The following ABCA6 variants were observed in gnomAD, a reference collection of about 807,000 sequenced individuals.
ABCA6 encodes the protein ATP-binding cassette sub-family A member 6.
In ABCA6, 164 loss-of-function variants were observed where a neutral mutation model predicts 191.2. The ratio of observed to expected loss-of-function variants is 0.86; its 90% CI spans 0.76 to 0.98. The LOEUF is 0.98. Ranked by LOEUF, ABCA6 falls within the 50% of genes least tolerant of loss-of-function variation. The probability of loss-of-function intolerance (pLI) is 0.00; values close to 1 mark genes in which losing one functional copy is unlikely to be tolerated. For synonymous variants in ABCA6, 636 were observed against 647.7 expected (o/e 0.98, Z 0.27); for missense variants, 1,958 against 1,894.1 (o/e 1.03, Z -0.63).
chr17:69,107,275 C>T (rs1260373834), intron 18 of ABCA6, among the ~76,000 whole-genome samples: 1 of 152,080 alleles, frequency 6.6e-6, no homozygotes, highest in Non-Finnish European at 1.5e-5. Context: ...TCCATAATGA[C>T]AATGATTATT....
At chr17:69,086,326 C>T (rs2072788456) in intron 30 of ABCA6, among the ~76,000 whole-genome samples, 2 of 152,020 alleles carry the variant, frequency 1.3e-5, no homozygotes, top group South Asian at 4.1e-4. Context: ...TAGCTTTATC[C>T]CTTCCATTTA....
chr17:69,093,215 A>G (rs554409603), intron 25 of ABCA6, among the ~76,000 whole-genome samples: 2 of 152,338 alleles, frequency 1.3e-5, no homozygotes, highest in East Asian at 1.9e-4. Context: ...GAATAATGGC[A>G]TAAGTAATAA....
At chr17:69,088,053 AT>A in intron 28 of ABCA6, 113 bp downstream of exon 28, 28 of 934,386 alleles carry the variant, frequency 3.0e-5, no homozygotes, top group Non-Finnish European at 4.3e-5. Context: ...CCTAATGACA[AT>A]CAACATGTGC....
chr17:69,123,287 T>C lies in ABCA6; in HGVS notation c.1388A>G (p.Asp463Gly). Residue 463 changes from aspartate (D) to glycine (G), a missense_variant, in exon 10 of 39, where the codon GAT (aspartate) becomes GGT (glycine). By Grantham distance (94) the Asp-to-Gly change is moderately conservative (BLOSUM62 -1). Coordinates refer to ENST00000284425, the MANE Select transcript of ABCA6 (RefSeq NM_080284.3). ...TTCAGGAGCTACTGGTTCAAAATAA[T>C]CATCAGAGGGATGCTCAGCATCGAT... ...KEIDAEHPSDDYFEPVAPEFQ... is the reference protein window; with the variant it reads ...KEIDAEHPSDGYFEPVAPEFQ... 2.0e-6 allele frequency: 3 copies of C among 1,534,486 alleles called. No homozygotes were observed. The highest frequency in any genetic ancestry group is 1.3e-5 in the South Asian group (1 of 76,302).
chr17:69,105,929 A>G (rs2073291713), intron 19 of ABCA6, 99 bp downstream of exon 19: 1 of 1,296,996 alleles, frequency 7.7e-7, no homozygotes. Context: ...ACCCCGTGGC[A>G]GGAATGTCAG....
intron 32 of ABCA6, 103 bp from the exon 33 acceptor site, chr17:69,084,610 T>C (rs751641714): frequency 1.1e-5 from 11 of 1,033,244 alleles, no homozygotes; most frequent in Non-Finnish European, 1.6e-5. Flanking sequence ...GTAATATTAT[T>C]GTCAAAATCC....
intron 22 of ABCA6, 136 bp downstream of exon 22, chr17:69,100,661 C>A: frequency 1.1e-6 from 1 of 938,192 alleles, no homozygotes; most frequent in Non-Finnish European, 1.5e-6. Context: ...TTTGCTATAA[C>A]CCATTGAAAA....
chr17:69,127,544 G>A (rs1023600005), intron 8 of ABCA6, among the ~76,000 whole-genome samples: 1 of 151,968 alleles, frequency 6.6e-6, no homozygotes, highest in African/African-American at 2.4e-5. Context: ...AATAATCGGG[G>A]AAATGCAAAT....
intron 10 of ABCA6, among the ~76,000 whole-genome samples, chr17:69,121,868 T>C (rs764953946): frequency 1.2e-4 from 19 of 152,188 alleles, no homozygotes; most frequent in Non-Finnish European, 2.5e-4. Flanking sequence ...CTTGTTTGGA[T>C]AGAAATTTTC....
intron 2 of ABCA6, among the ~76,000 whole-genome samples, chr17:69,138,714 A>G (rs1363444557): frequency 6.6e-6 from 1 of 151,264 alleles, no homozygotes; most frequent in Non-Finnish European, 1.5e-5. Context: ...GGCCACAGTA[A>G]CCAAAACAGC....
intron 6 of ABCA6, among the ~76,000 whole-genome samples, chr17:69,133,424 T>G (rs905559041): frequency 6.6e-6 from 1 of 152,240 alleles, no homozygotes; most frequent in African/African-American, 2.4e-5. Context: ...TGTATCAGTG[T>G]TGGCTTAAGA....
intron 10 of ABCA6, among the ~76,000 whole-genome samples, chr17:69,119,698 T>C (rs540153659): frequency 8.5e-4 from 130 of 152,138 alleles, no homozygotes; most frequent in African/African-American, 3.1e-3. Context: ...AGCTTAGTGC[T>C]TTTTGTCTTT....
intron 2 of ABCA6, among the ~76,000 whole-genome samples, chr17:69,140,037 T>C (rs1446474982): frequency 1.3e-5 from 2 of 151,762 alleles, no homozygotes; most frequent in Non-Finnish European, 2.9e-5. Flanking sequence ...GCATGGCACA[T>C]GTATATGTAT....
chr17:69,090,382 G>A (rs1352868613), intron 26 of ABCA6, among the ~76,000 whole-genome samples: 3 of 152,048 alleles, frequency 2.0e-5, no homozygotes, highest in Admixed American at 6.6e-5. Context: ...ATGCCTCCTG[G>A]CTTTTCCTGC....
rs987770833 is a variant in ABCA6 at position 69,134,761 on chromosome 17, G to A, written c.461-19C>T. The A allele has an allele frequency of 1.3e-6, 2 of 1,552,406 alleles. No homozygotes were observed. The highest frequency in any genetic ancestry group is 1.8e-6 in the Non-Finnish European group (2 of 1,125,498). On this transcript the variant is annotated intron_variant, in intron 4 of 38. Coordinates refer to ENST00000284425, the MANE Select transcript of ABCA6 (RefSeq NM_080284.3). ...CAATGAGCTGTAAGCACAAAGAAAA[G>A]CACAGCCAACATTATGGGACGAGGG...
Position 69,098,033 on chromosome 17 carries a change from A to G in ABCA6, c.3013-6T>C. The G allele has an allele frequency of 1.3e-6, 2 of 1,565,244 alleles. No homozygotes were observed. The highest frequency in any genetic ancestry group is 1.7e-6 in the Non-Finnish European group (2 of 1,158,432). On this transcript the variant is annotated splice_region_variant and splice_polypyrimidine_tract_variant and intron_variant, in intron 22 of 38. Transcript: ENST00000284425. ...GTCCAGAGTCCTATGTGGCTCTGAA[A>G]ATATAAAGGGTAGCTTAAACTAGTG...
intron 6 of ABCA6, 142 bp downstream of exon 6, chr17:69,133,499 A>C: frequency 1.5e-6 from 1 of 651,834 alleles, no homozygotes; most frequent in Non-Finnish European, 2.6e-6. Context: ...AAAATTTAAC[A>C]GACTAAGTAA....
In ABCA6 at chr17:69,096,687, T is replaced by C. The variant is rs746734130; in HGVS notation, c.3235A>G (p.Ile1079Val). 7.0e-6 allele frequency: 11 copies of C among 1,576,338 alleles called. No homozygotes were observed. Among genetic ancestry groups the C allele is most frequent in the Non-Finnish European group, 8.6e-6 (10 of 1,165,668 alleles). ...FILILLLMYL[I>V]FYIENMQYLL... ...TACTGCATGTTTTCTATGTAGAAAA[T>C]TAAATACATTAAAAGGAGAATTAAA... The change falls in exon 24 of 39, where the codon ATT becomes GTT. Residue 1079 changes from isoleucine to valine, a missense_variant. Physicochemically the swap from Ile to Val is conservative, Grantham distance 29. Transcript: ENST00000284425.
chr17:69,118,003 A>T, intron 10 of ABCA6, 47 bp from the exon 11 acceptor site: 1 of 1,374,988 alleles, frequency 7.3e-7, no homozygotes, highest in Non-Finnish European at 1.0e-6. Flanking sequence ...AGAAGTGAAA[A>T]TAGCACGGGC....
Sources: allele counts gnomAD v4.1 joint callset (sites outside exome capture counted in the v4.1 genomes callset), GRCh38; gene constraint gnomAD v4.1.1; transcripts MANE v1.5; gene names NCBI Gene and HGNC (gene_info 2026-07-23, HGNC 2026-07-21).